Variants in MTUS2 observed in about 807,000 individuals in gnomAD.
The protein encoded by MTUS2 is microtubule-associated tumor suppressor candidate 2.
Under a neutral mutation model 114.1 loss-of-function variants are expected in MTUS2, and 40 were observed. The observed-to-expected ratio is 0.35, with a 90% confidence interval of 0.27 to 0.46. The LOEUF is 0.46. Ranked by LOEUF, MTUS2 falls within the 20% of genes least tolerant of loss-of-function variation. MTUS2 has a pLI of 1.00. For synonymous variants in MTUS2, 688 were observed against 672.0 expected (o/e 1.02, Z -0.37); for missense variants, 1,679 against 1,705.4 (o/e 0.98, Z 0.27).
intron 9 of MTUS2, among the ~76,000 whole-genome samples, chr13:29,473,565 A>G (rs1880469870): frequency 6.6e-6 from 1 of 152,222 alleles, no homozygotes; most frequent in Admixed American, 6.5e-5. Flanking sequence ...ATATCTTTAT[A>G]TATTATATAT....
chr13:29,466,898 AAAAG>A (rs1008332273), intron 9 of MTUS2, among the ~76,000 whole-genome samples: 19 of 147,250 alleles, frequency 1.3e-4, no homozygotes, highest in African/African-American at 3.3e-4. Context: ...AAAAAAAAAG[AAAAG>A]AAAGAAAGAG....
chr13:29,245,274 T>C (rs946606533), intron 5 of MTUS2, among the ~76,000 whole-genome samples: 3 of 152,090 alleles, frequency 2.0e-5, no homozygotes, highest in Non-Finnish European at 2.9e-5. Context: ...AAAGCAGAGA[T>C]GGTAAAACTT....
intron 8 of MTUS2, among the ~76,000 whole-genome samples, chr13:29,379,186 C>T (rs891716618): frequency 3.3e-5 from 5 of 152,184 alleles, no homozygotes; most frequent in African/African-American, 9.7e-5. Flanking sequence ...TTCACAGCAG[C>T]ATGAGAACAG....
intron 4 of MTUS2, among the ~76,000 whole-genome samples, chr13:29,080,702 G>C (rs530985835): frequency 3.6e-4 from 55 of 152,138 alleles, no homozygotes; most frequent in African/African-American, 1.3e-3. Flanking sequence ...CCAGTCCACT[G>C]ACTCAAATGT....
chr13:29,130,128 C>G (rs1891694284), intron 5 of MTUS2, among the ~76,000 whole-genome samples: 2 of 151,988 alleles, frequency 1.3e-5, no homozygotes, highest in South Asian at 4.2e-4. Context: ...TTTGGTCATG[C>G]CTTGGATATC....
chr13:29,284,175 C>A (rs192298822), intron 6 of MTUS2, among the ~76,000 whole-genome samples: 1 of 152,220 alleles, frequency 6.6e-6, no homozygotes, highest in African/African-American at 2.4e-5. Context: ...ATAGGGGGCT[C>A]ACTGAACAGA....
chr13:29,194,412 A>G (rs1435613782), intron 5 of MTUS2, among the ~76,000 whole-genome samples: 1 of 150,434 alleles, frequency 6.6e-6, no homozygotes, highest in Non-Finnish European at 1.5e-5. Flanking sequence ...AAAACAAACA[A>G]CCCCATCAAA....
intron 9 of MTUS2, among the ~76,000 whole-genome samples, chr13:29,468,837 A>G (rs113294842): frequency 3.7e-4 from 56 of 152,316 alleles, no homozygotes; most frequent in Middle Eastern, 6.8e-3. Flanking sequence ...CCAGGCATTG[A>G]TATTGCTATG....
intron 5 of MTUS2, among the ~76,000 whole-genome samples, chr13:29,230,138 C>T (rs551896901): frequency 3.6e-4 from 54 of 152,066 alleles, no homozygotes; most frequent in African/African-American, 1.1e-3. Flanking sequence ...TCCAGCTACT[C>T]GGGAGGCTGA....
At chr13:28,894,044 G>A (rs972807659) in intron 2 of MTUS2, among the ~76,000 whole-genome samples, 4 of 151,450 alleles carry the variant, frequency 2.6e-5, no homozygotes, top group African/African-American at 9.7e-5. Flanking sequence ...TGCTCTTCAG[G>A]GTCTGCCAGG....
intron 4 of MTUS2, among the ~76,000 whole-genome samples, chr13:29,062,584 A>C (rs973917365): frequency 2.0e-5 from 3 of 152,120 alleles, no homozygotes; most frequent in African/African-American, 4.8e-5. Context: ...ACCTGGTTTG[A>C]TATGTAAATT....
chr13:29,479,717 T>A (rs1313054896), intron 9 of MTUS2, among the ~76,000 whole-genome samples: 3 of 152,200 alleles, frequency 2.0e-5, no homozygotes, highest in Non-Finnish European at 4.4e-5. Context: ...CCCAGGGGTT[T>A]TGCTAAAAGT....
intron 8 of MTUS2, among the ~76,000 whole-genome samples, chr13:29,428,260 C>T (rs1183316783): frequency 6.6e-6 from 1 of 152,248 alleles, no homozygotes; most frequent in African/African-American, 2.4e-5. Flanking sequence ...ATATACATCA[C>T]GTTTATAAAT....
At chr13:29,211,310 C>T (rs1206124386) in intron 5 of MTUS2, among the ~76,000 whole-genome samples, 1 of 152,282 alleles carries the variant, frequency 6.6e-6, no homozygotes, top group Non-Finnish European at 1.5e-5. Context: ...AGGCCAGTCT[C>T]ACTCCCACCA....
At chr13:29,198,080 C>T (rs564222315) in intron 5 of MTUS2, among the ~76,000 whole-genome samples, 3 of 152,284 alleles carry the variant, frequency 2.0e-5, no homozygotes, top group Non-Finnish European at 4.4e-5. Flanking sequence ...TAATTAGATC[C>T]CATCTGTCAA....
intron 5 of MTUS2, 140 bp from the exon 6 acceptor site, chr13:29,281,564 A>G (rs1898269928): frequency 1.1e-6 from 1 of 894,764 alleles, no homozygotes; most frequent in South Asian, 1.7e-5. Flanking sequence ...CCAGAAAAAT[A>G]CTTTTCAAGG....
chr13:29,300,889 A>G (rs993162393), intron 6 of MTUS2, among the ~76,000 whole-genome samples: 1 of 152,224 alleles, frequency 6.6e-6, no homozygotes, highest in Non-Finnish European at 1.5e-5. Flanking sequence ...CTTATAAACA[A>G]CGAACATTTA....
At chr13:28,873,268 G>C (rs1877730951) in intron 2 of MTUS2, among the ~76,000 whole-genome samples, 1 of 152,216 alleles carries the variant, frequency 6.6e-6, no homozygotes, top group South Asian at 2.1e-4. Flanking sequence ...TGCCAAGAGT[G>C]TTTGAGGCAC....
intron 2 of MTUS2, among the ~76,000 whole-genome samples, chr13:28,900,980 T>C (rs2137959042): frequency 1.3e-5 from 2 of 152,368 alleles, no homozygotes; most frequent in Admixed American, 1.3e-4. Context: ...TTAGAGAGGC[T>C]GTACCAGTTT....
Sources: gnomAD v4.1 joint callset for allele counts (sites outside exome capture counted in the v4.1 genomes callset) on GRCh38, gnomAD v4.1.1 for gene constraint, MANE v1.5 for transcripts, NCBI Gene and HGNC (gene_info 2026-07-23, HGNC 2026-07-21) for gene names.